Variants in LPA observed in about 807,000 individuals in gnomAD.
LPA encodes lipoprotein(a).
A neutral mutation model predicts 197.9 loss-of-function variants in LPA; 199 were observed. That is an observed-to-expected ratio of 1.01 (90% CI 0.90 to 1.13). The LOEUF is 1.13. Among genes scored for constraint, LPA ranks in the 50% most tolerant of loss-of-function variants. LPA has a pLI of 0.00. For synonymous variants in LPA, 715 were observed against 639.5 expected (o/e 1.12, Z -1.78); for missense variants, 1,853 against 1,785.8 (o/e 1.04, Z -0.68).
intron 16 of LPA, among the ~76,000 whole-genome samples, chr6:160,611,339 T>C (rs1282649608): frequency 6.6e-6 from 1 of 152,078 alleles, no homozygotes; most frequent in Non-Finnish European, 1.5e-5. Flanking sequence ...TCTCCTCGCC[T>C]CCTCATTTCC....
At chr6:160,539,390 CAAA>C (rs200883857) in intron 36 of LPA, among the ~76,000 whole-genome samples, 1,816 of 150,562 alleles carry the variant, frequency 0.012, 40 homozygotes, top group Middle Eastern at 0.12. Context: ...AAGAGAAAAT[CAAA>C]GAAGACAACA....
intron 17 of LPA, among the ~76,000 whole-genome samples, chr6:160,605,478 G>A (rs1417787581): frequency 1.3e-5 from 2 of 152,154 alleles, no homozygotes; most frequent in African/African-American, 4.8e-5. Flanking sequence ...TAGAAAAAAA[G>A]GACAAATGAG....
At chr6:160,572,849 G>A (rs191012592) in intron 28 of LPA, among the ~76,000 whole-genome samples, 62 of 152,174 alleles carry the variant, frequency 4.1e-4, no homozygotes, top group Admixed American at 1.0e-3. Flanking sequence ...TCTTGCCTTC[G>A]TCTTAACTTT....
chr6:160,570,343 G>A (rs887766202), intron 28 of LPA, among the ~76,000 whole-genome samples: 1 of 152,170 alleles, frequency 6.6e-6, no homozygotes, highest in Non-Finnish European at 1.5e-5. Context: ...TAGGGATGTG[G>A]ATGAAGCTGG....
chr6:160,658,516 A>G (rs1423703335), intron 1 of LPA, among the ~76,000 whole-genome samples: 1 of 152,176 alleles, frequency 6.6e-6, no homozygotes, highest in East Asian at 1.9e-4. Flanking sequence ...TTCTCCAGAG[A>G]ACTTAGGAGC....
At position 160,652,429 on chromosome 6, in the gene LPA, G is replaced by C. The variant is rs80187955; in HGVS notation, c.50-1932C>G. Among the ~76,000 whole-genome samples, 1,282 of 152,180 alleles carry C rather than the reference G, an allele frequency of 8.4e-3. 16 individuals carry two copies. The highest frequency in any genetic ancestry group is 0.03 in the African/African-American group (1,233 of 41,530). On this transcript the variant is annotated intron_variant, in intron 1 of 38. Transcript: ENST00000316300. ...TACAAGGAATGAAACTCTCAACCCA[G>C]TATCTATACTCAGCAAAATCACTTT... is the stretch of plus-strand genomic sequence containing the variant.
chr6:160,556,524 C>T (rs1226832136), intron 29 of LPA, among the ~76,000 whole-genome samples: 1 of 152,026 alleles, frequency 6.6e-6, no homozygotes, highest in Non-Finnish European at 1.5e-5. Flanking sequence ...TTAGGTTATG[C>T]AGGCTGTATG....
At chr6:160,660,561 T>G (rs1780207301) in intron 1 of LPA, among the ~76,000 whole-genome samples, 1 of 152,244 alleles carries the variant, frequency 6.6e-6, no homozygotes, top group Non-Finnish European at 1.5e-5. Context: ...GATGTTGATC[T>G]GCTAATCCCT....
chr6:160,537,772 C>A, intron 37 of LPA, 83 bp downstream of exon 37: 1 of 1,296,178 alleles, frequency 7.7e-7, no homozygotes, highest in Non-Finnish European at 1.1e-6. Flanking sequence ...GGAATTTGTA[C>A]AACTATCTCC....
rs759116039 is a variant in LPA at position 160,545,476 on chromosome 6, T to C, written c.5362A>G (p.Arg1788Gly). 5 of 1,613,390 alleles carry C rather than the reference T, an allele frequency of 3.1e-6. No individual in the cohort carries two copies. In the Admixed American group the frequency reaches 8.3e-5, roughly 27 times the overall value. ...ATATCACAGTAGTCAAAAAGTTTTC[T>C]TGGATTCATTGTGTAGCACCAGGGA... ...NGPWCYTMNP[R>G]KLFDYCDIPL... Residue 1788 changes from arginine (R) to glycine (G), a missense_variant, in exon 33 of 39, where the codon AGA (arginine) becomes GGA (glycine). Arg to Gly is a moderately radical substitution (Grantham distance 125). Coordinates refer to ENST00000316300, the MANE Select transcript of LPA (RefSeq NM_005577.4).
At chr6:160,577,099 G>A (rs1321847720) in intron 28 of LPA, 37 bp downstream of exon 28, 3 of 1,609,364 alleles carry the variant, frequency 1.9e-6, no homozygotes, top group Admixed American at 1.7e-5. Flanking sequence ...ATTTGAGTTG[G>A]CTGTTGCTCC....
At chr6:160,580,042 T>C (rs557044933) in intron 26 of LPA, among the ~76,000 whole-genome samples, 1 of 152,306 alleles carries the variant, frequency 6.6e-6, no homozygotes, top group South Asian at 2.1e-4. Context: ...CAATCTCTGC[T>C]ACCCTCTTCC....
intron 22 of LPA, among the ~76,000 whole-genome samples, chr6:160,593,209 G>T (rs972828376): frequency 6.6e-6 from 1 of 152,118 alleles, no homozygotes; most frequent in Non-Finnish European, 1.5e-5. Context: ...CCCTTCAAGG[G>T]TCTCAAGGAA....
In LPA at chr6:160,611,458, A is replaced by T. The variant is rs1779516118; in HGVS notation, c.2603+104T>A. ...TGAGACATTTTGCTACACCATCTGA[A>T]TCTGACACAAGTTGAGTTCGGAGAA... On this transcript the variant is annotated intron_variant, in intron 16 of 38. Coordinates refer to ENST00000316300, the MANE Select transcript of LPA (RefSeq NM_005577.4). 4.5e-6 allele frequency: 7 copies of T among 1,543,832 alleles called. No individual in the cohort carries two copies. The Admixed American group carries it at 8.3e-5, about 18-fold the overall frequency.
intron 28 of LPA, among the ~76,000 whole-genome samples, chr6:160,576,700 A>ATG (rs1367646913): frequency 6.9e-6 from 1 of 144,508 alleles, no homozygotes; most frequent in African/African-American, 2.5e-5. Flanking sequence ...GTATATATAT[A>ATG]TATATATATA....
intron 28 of LPA, among the ~76,000 whole-genome samples, chr6:160,557,911 G>A (rs963016275): frequency 3.3e-5 from 5 of 151,786 alleles, no homozygotes; most frequent in East Asian, 1.9e-4. Flanking sequence ...ATTTTGAAGA[G>A]TGCATTTTAG....
intron 20 of LPA, among the ~76,000 whole-genome samples, chr6:160,598,118 C>T (rs1409668176): frequency 6.6e-6 from 1 of 152,166 alleles, no homozygotes. Flanking sequence ...TCTAGCTGGT[C>T]AAAACTCCAA....
Position 160,591,068 on chromosome 6 carries a change from A to G in LPA, c.3663T>C (p.Asp1221=). 1.9e-6 allele frequency: 3 copies of G among 1,613,912 alleles called. No homozygotes were observed. Among genetic ancestry groups the G allele is most frequent in the Admixed American group, 3.3e-5 (2 of 60,000 alleles). ...TATAACACCAAGGACTAATCTCAGC[A>G]TCTGGATTCCTGCAGTAGTTCCTGG... ...GLTRNYCRNP[D]AEISPWCYTM... is the part of the protein sequence containing the mutation. The change falls in exon 23 of 39, where the codon GAT becomes GAC. Residue 1221 remains aspartate, a synonymous_variant. Coordinates refer to ENST00000316300, the MANE Select transcript of LPA (RefSeq NM_005577.4).
chr6:160,596,578 A>G (rs554273597), intron 20 of LPA, among the ~76,000 whole-genome samples: 1 of 152,298 alleles, frequency 6.6e-6, no homozygotes, highest in Non-Finnish European at 1.5e-5. Context: ...CCATTTTCTT[A>G]GCCATCAGAG....
Sources: allele counts gnomAD v4.1 joint callset (sites outside exome capture counted in the v4.1 genomes callset), GRCh38; gene constraint gnomAD v4.1.1; transcripts MANE v1.5; gene names NCBI Gene and HGNC (gene_info 2026-07-23, HGNC 2026-07-21).